Variants in ABCA4 observed in about 807,000 individuals in gnomAD.
The protein encoded by ABCA4 is retinal-specific phospholipid-transporting ATPase ABCA4.
A neutral mutation model predicts 263.7 loss-of-function variants in ABCA4; 196 were observed. That is an observed-to-expected ratio of 0.74 (90% CI 0.66 to 0.84). ABCA4 has a LOEUF of 0.84. ABCA4 is among the 40% of genes least tolerant of loss of function. The pLI is 0.00. For missense variants in ABCA4, 2,792 were observed against 2,855.1 expected (o/e 0.98, Z 0.50); for synonymous variants, 1,133 against 1,094.2 (o/e 1.04, Z -0.70).
chr1:94,025,926 G>A (rs1198499939), intron 30 of ABCA4, among the ~76,000 whole-genome samples: 2 of 152,164 alleles, frequency 1.3e-5, no homozygotes, highest in African/African-American at 4.8e-5. Context: ...CAGTTGATTT[G>A]TGACATTAAT....
At position 94,014,618 on chromosome 1, in the gene ABCA4, T is replaced by C. The variant is rs548112205; in HGVS notation, c.5385A>G (p.Leu1795=). ...TGCCGATGAACAGATTAGCACAAGA[T>C]AAAGCCACATAGGCTGTGCTGGGGA... ...FDVPSTAYVA[L]SCANLFIGIN... Residue 1795 remains leucine, a synonymous_variant, in exon 38 of 50, where the codon TTA becomes TTG. Transcript: ENST00000370225. The C allele has an allele frequency of 8.1e-6, 13 of 1,614,066 alleles. No homozygotes were observed. The highest frequency in any genetic ancestry group is 4.5e-5 in the East Asian group (2 of 44,888).
chr1:94,088,006 T>C (rs1200940818), intron 6 of ABCA4, among the ~76,000 whole-genome samples: 1 of 152,110 alleles, frequency 6.6e-6, no homozygotes, highest in Non-Finnish European at 1.5e-5. Context: ...CTAGCTACAG[T>C]CTAATTTCTC....
chr1:94,013,194 G>T (rs1462797717), intron 38 of ABCA4, among the ~76,000 whole-genome samples: 2 of 148,186 alleles, frequency 1.3e-5, no homozygotes, highest in Non-Finnish European at 3.0e-5. Context: ...TGGGTGCTCT[G>T]GCCATCTGCT....
intron 43 of ABCA4, 125 bp downstream of exon 43, chr1:94,007,509 C>G (rs1659423419): frequency 1.2e-6 from 1 of 869,382 alleles, no homozygotes. Flanking sequence ...TGGGAGGCCT[C>G]CTTCTCTGTA....
At chr1:94,119,010 A>T (rs1662877164) in intron 1 of ABCA4, among the ~76,000 whole-genome samples, 1 of 152,180 alleles carries the variant, frequency 6.6e-6, no homozygotes, top group South Asian at 2.1e-4. Flanking sequence ...GGAAAGAGAG[A>T]ACAATGGCAT....
At chr1:94,051,767 T>A in intron 16 of ABCA4, 69 bp from the exon 17 acceptor site, 8 of 1,199,464 alleles carry the variant, frequency 6.7e-6, no homozygotes, top group Non-Finnish European at 9.9e-6. Context: ...CGCAGTTCTA[T>A]AAGATCTAGA....
At chr1:94,080,435 C>A in intron 8 of ABCA4, 43 bp downstream of exon 8, 1 of 1,613,268 alleles carries the variant, frequency 6.2e-7, no homozygotes, top group South Asian at 1.1e-5. Flanking sequence ...TCAACTTAAC[C>A]AACATGAGAG....
At chr1:94,021,485 T>A in intron 34 of ABCA4, 76 bp from the exon 35 acceptor site, 4 of 1,597,674 alleles carry the variant, frequency 2.5e-6, no homozygotes, top group Non-Finnish European at 3.4e-6. Flanking sequence ...GAAAGGAAAT[T>A]TGAGAAGCAG....
rs61753054 is a variant in ABCA4, at chr1:94,080,704, C to T, written c.873G>A (p.Pro291=). 2.6e-5 allele frequency: 42 copies of T among 1,614,106 alleles called. No homozygotes were observed. The highest frequency in any genetic ancestry group is 3.3e-5 in the Non-Finnish European group (39 of 1,180,034). Residue 291 remains proline (P), a synonymous_variant, in exon 8 of 50, where the codon CCG becomes CCA. Coordinates refer to ENST00000370225, the MANE Select transcript of ABCA4 (RefSeq NM_000350.3). Reference sequence around the variant, plus strand: ...TCACCCACAGCAAGTCCTGCATACTCGGCCGATGGATAAACTAGGGCAAGG... The same window carrying T: ...TCACCCACAGCAAGTCCTGCATACTTGGCCGATGGATAAACTAGGGCAAGG... ...SPRIQEFIHR[P]SMQDLLWVTR...
At position 94,021,377 on chromosome 1, in the gene ABCA4, C is replaced by T; in HGVS notation, c.4881G>A (p.Leu1627=). The change falls in exon 35 of 50, where the codon CTG becomes CTA. Residue 1627 remains leucine, a synonymous_variant. Transcript: ENST00000370225. ...TGTGGGCCACATTGAGAAAGCTGAC[C>T]AGGGCATGCCAGCCTTTGTTATTAA... is the stretch of plus-strand genomic sequence containing the variant. The part of the protein sequence containing the change: ...VWFNNKGWHA[L]VSFLNVAHNA... The T allele has an allele frequency of 1.2e-6, 2 of 1,614,168 alleles. No homozygotes were observed. Among genetic ancestry groups the T allele is most frequent in the Non-Finnish European group, 8.5e-7 (1 of 1,180,028 alleles).
chr1:94,113,934 G>A (rs576195661), intron 1 of ABCA4, among the ~76,000 whole-genome samples: 2 of 152,360 alleles, frequency 1.3e-5, no homozygotes, highest in African/African-American at 4.8e-5. Flanking sequence ...AGGGGTGGGG[G>A]TTGGAGATGT....
chr1:93,996,837 C>G (rs921788452), intron 48 of ABCA4, among the ~76,000 whole-genome samples: 1 of 152,194 alleles, frequency 6.6e-6, no homozygotes, highest in Admixed American at 6.5e-5. Context: ...CATGATACAA[C>G]ACGGATGAAC....
intron 30 of ABCA4, among the ~76,000 whole-genome samples, chr1:94,029,060 G>T (rs75218470): frequency 6.6e-6 from 1 of 151,992 alleles, no homozygotes; most frequent in Non-Finnish European, 1.5e-5. Context: ...AATATAATCT[G>T]TTTGGGTGGC....
In ABCA4 at chr1:94,001,916, T is replaced by A; in HGVS notation, c.6224A>T (p.Asn2075Ile). ...DCLAGTYSGG[N>I]KRKLSTAIAL... ...GATGGCTGTGGAGAGTTTCCGCTTG[T>A]TGCCCCCACTGTACGTGCCAGCCAG... The change falls in exon 45 of 50, where the codon AAC becomes ATC. Residue 2075 changes from asparagine (N) to isoleucine (I), a missense_variant. Transcript: ENST00000370225. The A allele has an allele frequency of 1.2e-6, 2 of 1,614,196 alleles. No individual in the cohort carries two copies. Among genetic ancestry groups the A allele is most frequent in the African/African-American group, 2.7e-5 (2 of 75,054 alleles).
At chr1:94,046,473 A>AAAAAAAAAAAAAAAAG (rs71094277) in intron 19 of ABCA4, among the ~76,000 whole-genome samples, 12 of 120,832 alleles carry the variant, frequency 9.9e-5, no homozygotes, top group South Asian at 2.6e-4. Flanking sequence ...AAAAAAAAAA[A>AAAAAAAAAAAAAAAAG]AAAGAAAAGA....
chr1:93,994,170 A>T (rs920179602), intron 49 of ABCA4, among the ~76,000 whole-genome samples: 1 of 152,206 alleles, frequency 6.6e-6, no homozygotes, highest in African/African-American at 2.4e-5. Flanking sequence ...TTGGGAATGC[A>T]CATGCGATGG....
rs962505043 is a variant in ABCA4 at position 93,993,183 on chromosome 1, G to A, written c.*54C>T. ...TGACCATATGGGCACAGGCTCCTGCGCCTCCAGCTGCCCAGAGTTCCTTTC... is the reference window on the plus strand; with the variant it reads ...TGACCATATGGGCACAGGCTCCTGCACCTCCAGCTGCCCAGAGTTCCTTTC... On this transcript the variant is annotated 3_prime_UTR_variant, in exon 50 of 50. Coordinates refer to ENST00000370225, the MANE Select transcript of ABCA4 (RefSeq NM_000350.3). 12 of 1,612,890 alleles carry A rather than the reference G, an allele frequency of 7.4e-6. No individual in the cohort carries two copies. The highest frequency in any genetic ancestry group is 5.3e-5 in the African/African-American group (4 of 74,892).
At chr1:94,008,629 A>G in intron 41 of ABCA4, 122 bp downstream of exon 41, 1 of 1,324,466 alleles carries the variant, frequency 7.6e-7, no homozygotes, top group Non-Finnish European at 1.1e-6. Flanking sequence ...TGATGACCCT[A>G]CATAAAACTG....
chr1:94,050,479 G>C (rs977840081), intron 17 of ABCA4, among the ~76,000 whole-genome samples: 1 of 152,188 alleles, frequency 6.6e-6, no homozygotes, highest in African/African-American at 2.4e-5. Context: ...TTTCAGTCCA[G>C]CCTATGAGAC....
Sources: allele counts gnomAD v4.1 joint callset (sites outside exome capture counted in the v4.1 genomes callset), GRCh38; gene constraint gnomAD v4.1.1; transcripts MANE v1.5; gene names NCBI Gene and HGNC (gene_info 2026-07-23, HGNC 2026-07-21).